Variants in NALCN observed in about 807,000 individuals in gnomAD.
NALCN encodes sodium leak channel NALCN.
Under a neutral mutation model 225.3 loss-of-function variants are expected in NALCN, and 111 were observed. The observed-to-expected ratio is 0.49, with a 90% confidence interval of 0.42 to 0.58. The LOEUF (loss-of-function observed/expected upper bound fraction) is 0.58. NALCN is among the 20% of genes least tolerant of loss of function. The pLI is 0.00. For synonymous variants in NALCN, 764 were observed against 769.0 expected (o/e 0.99, Z 0.11); for missense variants, 1,378 against 2,202.4 (o/e 0.63, Z 7.49).
In NALCN at chr13:101,258,554, A is replaced by C; in HGVS notation, c.1155T>G (p.Val385=). 1.2e-6 allele frequency: 2 copies of C among 1,614,172 alleles called. No homozygotes were observed. The highest frequency in any genetic ancestry group is 1.7e-6 in the Non-Finnish European group (2 of 1,180,028). Residue 385 remains valine (V), a synonymous_variant, in exon 11 of 44, where the codon GTT becomes GTG. Coordinates refer to ENST00000251127, the MANE Select transcript of NALCN (RefSeq NM_052867.4). The part of the protein sequence containing the change: ...ACLQKMMRSS[V]FHMFILSMVT... ...CCATGCTCAGGATGAACATGTGGAA[A>C]ACGGATGACCGCATCATTTTCTGAG...
At chr13:101,216,017 T>G (rs1187823594) in intron 13 of NALCN, among the ~76,000 whole-genome samples, 1 of 151,890 alleles carries the variant, frequency 6.6e-6, no homozygotes, top group Non-Finnish European at 1.5e-5. Flanking sequence ...TATCGAAGGG[T>G]AGGGGATGAT....
chr13:101,230,706 C>T (rs1259968017), intron 12 of NALCN, among the ~76,000 whole-genome samples: 1 of 152,174 alleles, frequency 6.6e-6, no homozygotes, highest in Non-Finnish European at 1.5e-5. Context: ...CCATGGGGGG[C>T]ACAGCCACCT....
chr13:101,109,103 T>C (rs1033842337), intron 20 of NALCN, among the ~76,000 whole-genome samples: 1 of 152,222 alleles, frequency 6.6e-6, no homozygotes, highest in African/African-American at 2.4e-5. Flanking sequence ...GATTCTTAAG[T>C]AGGTTGTACA....
Position 101,083,184 on chromosome 13 carries a change from T to C in NALCN, c.3598A>G (p.Arg1200Gly). Residue 1200 changes from arginine to glycine, a missense_variant, in exon 32 of 44, where the codon AGA becomes GGA. Arg to Gly is a moderately radical substitution (Grantham distance 125, BLOSUM62 -2). Transcript: ENST00000251127. Reference protein sequence around the residue: ...LPPRPDNDGFRAKMYDITQHP... With the variant: ...LPPRPDNDGFGAKMYDITQHP... Reference sequence around the variant, plus strand: ...TGGGTTATGTCATACATTTTAGCTCTAAAACCATCATTATCTAGAAAAGAA... The same window carrying C: ...TGGGTTATGTCATACATTTTAGCTCCAAAACCATCATTATCTAGAAAAGAA... 6.2e-7 allele frequency: 1 copy of C among 1,614,010 alleles called. No individual in the cohort carries two copies.
intron 12 of NALCN, among the ~76,000 whole-genome samples, chr13:101,235,754 A>T (rs1472303546): frequency 1.3e-5 from 2 of 152,170 alleles, no homozygotes; most frequent in South Asian, 2.1e-4. Flanking sequence ...CTTAGCTGTG[A>T]TTACAAGGGC....
chr13:101,278,049 C>T (rs2043021803), intron 10 of NALCN, among the ~76,000 whole-genome samples: 1 of 152,112 alleles, frequency 6.6e-6, no homozygotes, highest in South Asian at 2.1e-4. Context: ...AAACAAAGTC[C>T]CACTTTGAAC....
At chr13:101,360,492 C>T (rs1239290583) in intron 6 of NALCN, among the ~76,000 whole-genome samples, 1 of 152,124 alleles carries the variant, frequency 6.6e-6, no homozygotes, top group Non-Finnish European at 1.5e-5. Flanking sequence ...CTTGACCTCT[C>T]AAAGTGCTGG....
intron 3 of NALCN, among the ~76,000 whole-genome samples, chr13:101,391,898 C>T (rs1011168783): frequency 2.0e-5 from 3 of 150,700 alleles, no homozygotes; most frequent in East Asian, 1.9e-4. Flanking sequence ...GCAGGAGAAT[C>T]GCTTGAACCT....
At chr13:101,202,305 T>C (rs987890771) in intron 13 of NALCN, among the ~76,000 whole-genome samples, 3 of 152,168 alleles carry the variant, frequency 2.0e-5, no homozygotes, top group Non-Finnish European at 4.4e-5. Context: ...TTGTGGAGAA[T>C]TAGGGGTTAA....
At chr13:101,252,235 G>A (rs754325710) in intron 11 of NALCN, among the ~76,000 whole-genome samples, 30 of 152,030 alleles carry the variant, frequency 2.0e-4, no homozygotes, top group Non-Finnish European at 4.1e-4. Flanking sequence ...AAGCACAACT[G>A]CCATGTAAGA....
rs1406996348 is a variant in NALCN, at chr13:101,059,885, C to A, written c.4838G>T (p.Ser1613Ile). 6.2e-7 allele frequency: 1 copy of A among 1,614,034 alleles called. No individual in the cohort carries two copies. Among genetic ancestry groups the A allele is most frequent in the African/African-American group, 1.3e-5 (1 of 74,998 alleles). The stretch of plus-strand genomic sequence containing the variant: ...CTCACTGGGCTGGGTGGTCTCGATG[C>A]TGGGCGGGTTCAGAAACCGGCTCAG... ...QELSRFLNPP[S>I]IETTQPSEDT... Residue 1613 changes from serine to isoleucine, a missense_variant, in exon 42 of 44, where the codon AGC becomes ATC. Physicochemically the swap from Ser to Ile is moderately radical, Grantham distance 142 (BLOSUM62 -2). Around this residue, in one of 19 missense-constraint regions of NALCN, gnomAD observed 145 missense variants for 169.6 expected, o/e 0.85. Coordinates refer to ENST00000251127, the MANE Select transcript of NALCN (RefSeq NM_052867.4).
At chr13:101,226,967 G>A (rs2041167500) in intron 13 of NALCN, among the ~76,000 whole-genome samples, 1 of 152,042 alleles carries the variant, frequency 6.6e-6, no homozygotes. Context: ...TTTTGTTCAG[G>A]ACTGCTTAGC....
chr13:101,111,207 T>C lies in NALCN; in HGVS notation c.2212A>G (p.Met738Val), dbSNP rs776022751. 19 of 1,599,688 alleles carry C rather than the reference T, an allele frequency of 1.2e-5. No homozygotes were observed. The highest frequency in any genetic ancestry group is 4.0e-5 in the African/African-American group (3 of 74,692). Reference sequence around the variant, plus strand: ...TGCCCCTCAAATGATCCGCTCAGCATGCGCTGTCGGGTGCAAGCTCTAGGA... The same window carrying C: ...TGCCCCTCAAATGATCCGCTCAGCACGCGCTGTCGGGTGCAAGCTCTAGGA... ...KILRACTRQRMLSGSFEGQPA... is the reference protein window; with the variant it reads ...KILRACTRQRVLSGSFEGQPA... Residue 738 changes from methionine (M) to valine (V), a missense_variant, in exon 19 of 44, where the codon ATG (methionine) becomes GTG (valine). Transcript: ENST00000251127.
chr13:101,306,089 G>A (rs2044144369), intron 7 of NALCN, among the ~76,000 whole-genome samples: 1 of 152,158 alleles, frequency 6.6e-6, no homozygotes, highest in South Asian at 2.1e-4. Flanking sequence ...TGCCATCCTG[G>A]AGGGTCTCCA....
intron 7 of NALCN, among the ~76,000 whole-genome samples, chr13:101,324,816 A>T (rs1483558174): frequency 2.0e-5 from 3 of 152,132 alleles, no homozygotes; most frequent in Non-Finnish European, 4.4e-5. Flanking sequence ...CACTATGTTG[A>T]ATAGGAGTGG....
At chr13:101,310,909 C>A (rs1248951221) in intron 7 of NALCN, among the ~76,000 whole-genome samples, 1 of 151,964 alleles carries the variant, frequency 6.6e-6, no homozygotes, top group Non-Finnish European at 1.5e-5. Flanking sequence ...GTAAAAAAAT[C>A]TCTTGATGGG....
intron 7 of NALCN, among the ~76,000 whole-genome samples, chr13:101,324,235 G>T (rs138332154): frequency 6.6e-6 from 1 of 152,176 alleles, no homozygotes; most frequent in African/African-American, 2.4e-5. Context: ...GTAAATGATA[G>T]AAACAACTCA....
intron 6 of NALCN, among the ~76,000 whole-genome samples, chr13:101,360,118 T>C (rs1403898191): frequency 6.7e-6 from 1 of 150,050 alleles, no homozygotes; most frequent in East Asian, 1.9e-4. Context: ...CTCTTTTTCT[T>C]TCCTTTCTTT....
At chr13:101,361,823 C>T (rs76667802) in intron 6 of NALCN, among the ~76,000 whole-genome samples, 4,929 of 152,158 alleles carry the variant, frequency 0.032, 270 homozygotes, top group African/African-American at 0.11. Context: ...GGGAAGTAAA[C>T]ATATGATCAA....
Sources: allele counts gnomAD v4.1 joint callset (sites outside exome capture counted in the v4.1 genomes callset), GRCh38; gene constraint gnomAD v4.1.1; regional missense constraint gnomAD v4.1.1; transcripts MANE v1.5; gene names NCBI Gene and HGNC (gene_info 2026-07-23, HGNC 2026-07-21).